The following LMBR1 variants were observed in gnomAD, a reference collection of about 807,000 sequenced individuals.
The protein encoded by LMBR1 is limb development membrane protein 1.
In LMBR1, 52 loss-of-function variants were observed where a neutral mutation model predicts 73.9. The observed-to-expected ratio is 0.70, with a 90% CI of 0.56 to 0.89. The LOEUF is 0.89. Among genes scored for constraint, LMBR1 ranks in the 40% least tolerant of loss-of-function variants. The pLI is 0.00. For synonymous variants in LMBR1, 215 were observed against 209.4 expected (o/e 1.03, Z -0.23); for missense variants, 539 against 579.8 (o/e 0.93, Z 0.72).
intron 8 of LMBR1, among the ~76,000 whole-genome samples, chr7:156,760,162 C>T (rs1480235979): frequency 6.6e-6 from 1 of 152,028 alleles, no homozygotes; most frequent in Non-Finnish European, 1.5e-5. Flanking sequence ...AGAAGAGAAC[C>T]AGGAAGTTAA....
At chr7:156,686,518 G>A (rs1450587507) in intron 16 of LMBR1, among the ~76,000 whole-genome samples, 2 of 152,072 alleles carry the variant, frequency 1.3e-5, no homozygotes, top group African/African-American at 4.8e-5. Flanking sequence ...AAATTGCCCC[G>A]TAGCACACCC....
intron 15 of LMBR1, among the ~76,000 whole-genome samples, chr7:156,690,085 C>A (rs1010013788): frequency 1.3e-5 from 2 of 152,174 alleles, no homozygotes; most frequent in Non-Finnish European, 2.9e-5. Context: ...ACGGAGGACA[C>A]GGGAGATCCC....
chr7:156,885,661 G>A (rs2134534448), intron 1 of LMBR1, among the ~76,000 whole-genome samples: 1 of 152,222 alleles, frequency 6.6e-6, no homozygotes, highest in Middle Eastern at 3.4e-3. Flanking sequence ...AGGATCACTT[G>A]AGGTCAGGAG....
intron 5 of LMBR1, among the ~76,000 whole-genome samples, chr7:156,769,709 C>G (rs767654410): frequency 6.6e-6 from 1 of 152,342 alleles, no homozygotes; most frequent in East Asian, 1.9e-4. Flanking sequence ...GCCAGCAGGT[C>G]ATTTCCCCTG....
rs1486792548 is a variant in LMBR1 at position 156,688,607 on chromosome 7, ACCT to A, written c.1226-419_1226-417del. ...AAAAGATGCCTGAGAACATCCTTAC[ACCT>A]CCTCTGCTGCTGCTCTCTGGAGGAA... On this transcript the variant is annotated intron_variant, in intron 15 of 16. Coordinates refer to ENST00000353442, the MANE Select transcript of LMBR1 (RefSeq NM_022458.4). Among the ~76,000 whole-genome samples the A allele has an allele frequency of 2.6e-5, 4 of 151,460 alleles. No homozygotes were observed. In the East Asian group the frequency reaches 7.7e-4, roughly 29 times the overall value.
chr7:156,846,593 T>C (rs1467194270), intron 1 of LMBR1, among the ~76,000 whole-genome samples: 4 of 152,180 alleles, frequency 2.6e-5, no homozygotes, highest in Non-Finnish European at 5.9e-5. Context: ...GACTCAATAT[T>C]GTCAAGATGT....
At chr7:156,823,306 A>G (rs1835100454) in intron 4 of LMBR1, 1 of 152,114 alleles carries the variant, frequency 6.6e-6, no homozygotes, top group Non-Finnish European at 1.5e-5. Flanking sequence ...ATTCACTGTT[A>G]TTAAGTTTAT....
At chr7:156,756,528 T>C in intron 8 of LMBR1, 63 bp from the exon 9 acceptor site, 1 of 787,082 alleles carries the variant, frequency 1.3e-6, no homozygotes, top group Non-Finnish European at 2.1e-6. Flanking sequence ...TATGAGACCA[T>C]TTAGGCTATT....
chr7:156,824,936 C>A (rs1835414009), intron 4 of LMBR1, among the ~76,000 whole-genome samples: 1 of 151,968 alleles, frequency 6.6e-6, no homozygotes. Context: ...ACCACACAGG[C>A]AAGAAATTCT....
chr7:156,792,338 G>A (rs1829366933), intron 5 of LMBR1, among the ~76,000 whole-genome samples: 1 of 152,124 alleles, frequency 6.6e-6, no homozygotes, highest in Admixed American at 6.6e-5. Context: ...GAAAAATTAA[G>A]ATGTAAACGG....
chr7:156,676,822 A>G (rs771792717), downstream of LMBR1: 2 of 593,314 alleles, frequency 3.4e-6, no homozygotes, highest in African/African-American at 1.9e-5. Flanking sequence ...CTGACATCCC[A>G]CCTAATTTTA....
chr7:156,772,500 C>G lies in LMBR1; in HGVS notation c.424-8705G>C, dbSNP rs565776095. ...ACAAGACAAGGATGCCCATTCTCAC[C>G]ACTCCTATTCAGCATATTACTGGGA... On this transcript the variant is annotated intron_variant, in intron 5 of 16. Coordinates refer to ENST00000353442, the MANE Select transcript of LMBR1 (RefSeq NM_022458.4). 5.3e-5 allele frequency among the ~76,000 whole-genome samples: 8 copies of G among 152,258 alleles called. No individual in the cohort carries two copies. In the East Asian group the frequency reaches 1.5e-3, roughly 29 times the overall value.
At chr7:156,742,030 A>G (rs1818994078) in intron 9 of LMBR1, among the ~76,000 whole-genome samples, 1 of 152,170 alleles carries the variant, frequency 6.6e-6, no homozygotes. Context: ...ATTAAACAAA[A>G]TGCTCCTGAA....
intron 3 of LMBR1, among the ~76,000 whole-genome samples, chr7:156,832,783 G>T (rs140739956): frequency 6.2e-4 from 94 of 152,256 alleles, no homozygotes; most frequent in Admixed American, 1.8e-3. Flanking sequence ...TATGAAGAAA[G>T]ATCAGACAAA....
chr7:156,721,364 C>G (rs1814529068), intron 15 of LMBR1, among the ~76,000 whole-genome samples: 1 of 152,044 alleles, frequency 6.6e-6, no homozygotes, highest in Non-Finnish European at 1.5e-5. Context: ...TAATAAAGAA[C>G]ATATCAGCAA....
At chr7:156,872,511 G>A (rs1799451448) in intron 1 of LMBR1, among the ~76,000 whole-genome samples, 1 of 151,954 alleles carries the variant, frequency 6.6e-6, no homozygotes, top group Non-Finnish European at 1.5e-5. Flanking sequence ...GCTGGGCGTG[G>A]TGGCGCATGC....
At chr7:156,704,287 G>A (rs886301513) in intron 15 of LMBR1, among the ~76,000 whole-genome samples, 1 of 152,094 alleles carries the variant, frequency 6.6e-6, no homozygotes, top group Non-Finnish European at 1.5e-5. Flanking sequence ...CACAATAGCT[G>A]CCACCAATAA....
At chr7:156,856,222 G>GTAGGTAGA (rs1554556245) in intron 1 of LMBR1, among the ~76,000 whole-genome samples, 10 of 151,812 alleles carry the variant, frequency 6.6e-5, no homozygotes, top group African/African-American at 2.4e-4. Flanking sequence ...AGACAGATAG[G>GTAGGTAGA]TAGATAGATA....
intron 5 of LMBR1, among the ~76,000 whole-genome samples, chr7:156,795,394 T>G (rs1352418891): frequency 1.3e-5 from 2 of 152,208 alleles, no homozygotes; most frequent in Non-Finnish European, 2.9e-5. Flanking sequence ...CCCAGCAAGC[T>G]CCTATAAAGA....
Sources: gnomAD v4.1 joint callset for allele counts (sites outside exome capture counted in the v4.1 genomes callset) on GRCh38, gnomAD v4.1.1 for gene constraint, MANE v1.5 for transcripts, NCBI Gene and HGNC (gene_info 2026-07-23, HGNC 2026-07-21) for gene names.